The following ANK3 variants were observed in gnomAD, a reference collection of about 807,000 sequenced individuals.
The protein encoded by ANK3 is ankyrin-3.
A neutral mutation model predicts 370.9 loss-of-function variants in ANK3; 57 were observed. That is an observed-to-expected ratio of 0.15 (90% CI 0.12 to 0.19). The LOEUF is 0.19. Among genes scored for constraint, ANK3 ranks in the 10% least tolerant of loss-of-function variants. ANK3 has a pLI of 1.00. For missense variants in ANK3, 4,439 were observed against 5,302.1 expected (o/e 0.84, Z 5.06); for synonymous variants, 1,929 against 1,946.3 (o/e 0.99, Z 0.23).
rs576630547 is a variant in ANK3, at chr10:60,230,111, A to G, written c.897+4577T>C. 2.6e-5 allele frequency among the ~76,000 whole-genome samples: 4 copies of G among 152,320 alleles called. No homozygotes were observed. The South Asian group carries it at 6.2e-4, about 24-fold the overall frequency. On this transcript the variant is annotated intron_variant, in intron 8 of 43. Transcript: ENST00000280772. ...ATTATTAGATGGAGAGGAGTCAGTG[A>G]AAAGAGATAGAGAACTCAAGTCTCA...
chr10:60,410,286 T>TA (rs112946975), intron 2 of ANK3, among the ~76,000 whole-genome samples: 3,385 of 145,694 alleles, frequency 0.023, 111 homozygotes, highest in African/African-American at 0.078. Flanking sequence ...CTTAAAAAGT[T>TA]AAAAAAAAAA....
intron 2 of ANK3, among the ~76,000 whole-genome samples, chr10:60,590,213 A>G (rs985570199): frequency 5.9e-5 from 9 of 152,162 alleles, no homozygotes; most frequent in South Asian, 2.1e-4. Context: ...ATATGTGGGG[A>G]TTGCACCCTT....
chr10:60,415,179 G>T (rs576744978), intron 2 of ANK3, among the ~76,000 whole-genome samples: 99 of 152,248 alleles, frequency 6.5e-4, no homozygotes, highest in African/African-American at 2.2e-3. Context: ...GATCAGCTGT[G>T]GGGCATGGGG....
chr10:60,394,276 G>A (rs544773668), upstream of ANK3, among the ~76,000 whole-genome samples: 4 of 151,660 alleles, frequency 2.6e-5, no homozygotes, highest in African/African-American at 9.7e-5. Context: ...AAACACACCT[G>A]GAAAATTTTT....
At chr10:60,046,481 T>C (rs559766164) in intron 42 of ANK3, among the ~76,000 whole-genome samples, 99 of 152,292 alleles carry the variant, frequency 6.5e-4, no homozygotes, top group Admixed American at 2.2e-3. Flanking sequence ...ATTTTTGAAT[T>C]GTTTGGACAA....
chr10:60,051,566 CAAATGCATTTTT>C, intron 42 of ANK3: 3 of 983,268 alleles, frequency 3.1e-6, no homozygotes, highest in Non-Finnish European at 3.6e-6. Flanking sequence ...CAAGTCCTGA[CAAATGCATTTTT>C]AGTATAATTT....
chr10:60,512,060 G>C (rs2076098376), intron 2 of ANK3, among the ~76,000 whole-genome samples: 1 of 151,834 alleles, frequency 6.6e-6, no homozygotes, highest in South Asian at 2.1e-4. Flanking sequence ...CTGGACAAGA[G>C]GCACACATCA....
At chr10:60,417,801 C>G (rs1055492024) in intron 2 of ANK3, among the ~76,000 whole-genome samples, 1 of 152,110 alleles carries the variant, frequency 6.6e-6, no homozygotes, top group Non-Finnish European at 1.5e-5. Context: ...GTACCAGTGT[C>G]TTTTTCTTGA....
intron 2 of ANK3, among the ~76,000 whole-genome samples, chr10:60,421,810 T>C (rs929308651): frequency 2.0e-5 from 3 of 152,062 alleles, no homozygotes; most frequent in African/African-American, 4.8e-5. Context: ...TCCTTCAGAA[T>C]TGGTCATTAC....
chr10:60,467,856 A>G (rs1173484499), intron 2 of ANK3, among the ~76,000 whole-genome samples: 1 of 152,166 alleles, frequency 6.6e-6, no homozygotes, highest in East Asian at 1.9e-4. Context: ...AGTTGGAGAA[A>G]CCTAATAAAT....
intron 2 of ANK3, among the ~76,000 whole-genome samples, chr10:60,601,399 G>A (rs1340096010): frequency 2.6e-5 from 4 of 151,980 alleles, no homozygotes; most frequent in Admixed American, 6.6e-5. Flanking sequence ...GGTAAGTCAC[G>A]ATGACAGCAG....
chr10:60,363,852 T>C (rs1362148310), intron 1 of ANK3, among the ~76,000 whole-genome samples: 1 of 151,998 alleles, frequency 6.6e-6, no homozygotes. Flanking sequence ...CCTTTCTAAA[T>C]CCCTTTTCTT....
chr10:60,079,225 A>ACACACACCC (rs376356885), intron 36 of ANK3, among the ~76,000 whole-genome samples: 2 of 142,648 alleles, frequency 1.4e-5, no homozygotes, highest in East Asian at 2.0e-4. Flanking sequence ...ACACACACAC[A>ACACACACCC]CCCCTCTTCT....
At chr10:60,267,998 T>C (rs1212619603) in intron 5 of ANK3, among the ~76,000 whole-genome samples, 1 of 152,068 alleles carries the variant, frequency 6.6e-6, no homozygotes, top group Non-Finnish European at 1.5e-5. Flanking sequence ...CCTAGCAAGT[T>C]TGTTCTTTTT....
At chr10:60,540,262 G>C (rs2076817594) in intron 2 of ANK3, among the ~76,000 whole-genome samples, 1 of 151,778 alleles carries the variant, frequency 6.6e-6, no homozygotes, top group Non-Finnish European at 1.5e-5. Context: ...TCCAAAAAAT[G>C]AATGAGAGCA....
intron 1 of ANK3, among the ~76,000 whole-genome samples, chr10:60,695,939 T>G (rs1419272504): frequency 1.3e-5 from 2 of 150,596 alleles, no homozygotes; most frequent in African/African-American, 4.9e-5. Flanking sequence ...CAAAAAACCC[T>G]TCAAAAAATT....
chr10:60,571,010 A>G (rs750198936), intron 2 of ANK3, among the ~76,000 whole-genome samples: 4 of 151,746 alleles, frequency 2.6e-5, no homozygotes, highest in Non-Finnish European at 5.9e-5. Context: ...GGAGCCTGTC[A>G]AGACACTTAA....
chr10:60,431,660 C>T (rs1194321817), intron 2 of ANK3, among the ~76,000 whole-genome samples: 1 of 151,806 alleles, frequency 6.6e-6, no homozygotes, highest in Non-Finnish European at 1.5e-5. Context: ...GGTGGGGGGG[C>T]TAGGGAAGGG....
chr10:60,502,811 GAGAAGAAAAGAAAAGAAA>G (rs2075836934), intron 2 of ANK3, among the ~76,000 whole-genome samples: 1 of 94,930 alleles, frequency 1.1e-5, no homozygotes, highest in Non-Finnish European at 2.1e-5. Context: ...AAAGAAAAAA[GAGAAGAAAAGAAAAGAAA>G]GAAGGAGTAA....
Sources: gnomAD v4.1 joint callset for allele counts (sites outside exome capture counted in the v4.1 genomes callset) on GRCh38, gnomAD v4.1.1 for gene constraint, MANE v1.5 for transcripts, NCBI Gene and HGNC (gene_info 2026-07-23, HGNC 2026-07-21) for gene names.